PLCB1: variants seen among roughly 807,000 people sequenced by gnomAD.
PLCB1 encodes phospholipase C beta 1, also known as 1-phosphatidylinositol 4,5-bisphosphate phosphodiesterase beta-1.
A neutral mutation model predicts 161.8 loss-of-function variants in PLCB1; 46 were observed. That is an observed-to-expected ratio of 0.28 (90% confidence interval 0.22 to 0.36). The LOEUF is 0.36. PLCB1 is among the 10% of genes least tolerant of loss of function. The probability of loss-of-function intolerance (pLI) is 1.00; values close to 1 mark genes in which losing one functional copy is unlikely to be tolerated. For synonymous variants in PLCB1, 517 were observed against 503.7 expected (o/e 1.03, Z -0.35); for missense variants, 1,016 against 1,472.5 (o/e 0.69, Z 5.07).
chr20:8,214,112 G>A (rs946842645), intron 2 of PLCB1, among the ~76,000 whole-genome samples: 2 of 152,112 alleles, frequency 1.3e-5, no homozygotes, highest in Non-Finnish European at 2.9e-5. Flanking sequence ...AGTCTTACAC[G>A]TAAGCTTCCA....
chr20:8,552,084 G>A (rs1352260350), intron 3 of PLCB1, among the ~76,000 whole-genome samples: 7 of 152,052 alleles, frequency 4.6e-5, no homozygotes, highest in Admixed American at 2.6e-4. Context: ...CTCTGCAGTG[G>A]TCATGACCAC....
chr20:8,239,028 G>A (rs1424640131), intron 2 of PLCB1, among the ~76,000 whole-genome samples: 4 of 151,858 alleles, frequency 2.6e-5, no homozygotes, highest in African/African-American at 7.3e-5. Flanking sequence ...AGGAGAGAGG[G>A]GAACACTGAA....
intron 10 of PLCB1, among the ~76,000 whole-genome samples, chr20:8,691,493 A>G (rs551629932): frequency 1.3e-5 from 2 of 152,292 alleles, no homozygotes; most frequent in South Asian, 4.1e-4. Flanking sequence ...TGTTTTGAAT[A>G]TAAAATAAAA....
At chr20:8,421,178 G>C (rs1979523141) in intron 3 of PLCB1, among the ~76,000 whole-genome samples, 1 of 152,168 alleles carries the variant, frequency 6.6e-6, no homozygotes, top group Non-Finnish European at 1.5e-5. Context: ...TAATGAATTT[G>C]CTTACACAGT....
chr20:8,397,138 T>G (rs1017749916), intron 3 of PLCB1, among the ~76,000 whole-genome samples: 1 of 152,112 alleles, frequency 6.6e-6, no homozygotes, highest in African/African-American at 2.4e-5. Context: ...TTTTGATTCC[T>G]TACTGCATTA....
chr20:8,733,007 A>G (rs1272868084), intron 18 of PLCB1, among the ~76,000 whole-genome samples: 1 of 151,778 alleles, frequency 6.6e-6, no homozygotes, highest in South Asian at 2.1e-4. Flanking sequence ...TCAACAATAT[A>G]TTTGAAGTGG....
intron 18 of PLCB1, 102 bp downstream of exon 18, chr20:8,729,276 G>A: frequency 9.0e-7 from 1 of 1,113,938 alleles, no homozygotes; most frequent in South Asian, 2.9e-5. Flanking sequence ...AGACTTCACT[G>A]AAAAAATAAA....
chr20:8,160,938 A>G (rs921577275), intron 2 of PLCB1, among the ~76,000 whole-genome samples: 5 of 152,138 alleles, frequency 3.3e-5, no homozygotes, highest in Admixed American at 1.3e-4. Flanking sequence ...ACTTTGAACA[A>G]CTGACTTATT....
intron 27 of PLCB1, among the ~76,000 whole-genome samples, chr20:8,784,707 G>C (rs909154937): frequency 2.0e-5 from 3 of 152,124 alleles, no homozygotes; most frequent in Non-Finnish European, 4.4e-5. Context: ...TACTCCTTGG[G>C]ATTCTAGGGA....
At chr20:8,442,649 A>G (rs1242810213) in intron 3 of PLCB1, among the ~76,000 whole-genome samples, 3 of 152,228 alleles carry the variant, frequency 2.0e-5, no homozygotes, top group Non-Finnish European at 4.4e-5. Flanking sequence ...ATCCCAGTCC[A>G]AAATTATCAT....
intron 31 of PLCB1, among the ~76,000 whole-genome samples, chr20:8,862,129 TTC>T (rs1436072021): frequency 6.6e-6 from 1 of 152,258 alleles, no homozygotes; most frequent in African/African-American, 2.4e-5. Flanking sequence ...AGTAATATAT[TTC>T]CTCTTGTAGA....
intron 3 of PLCB1, among the ~76,000 whole-genome samples, chr20:8,622,123 G>A (rs993691271): frequency 3.3e-5 from 5 of 151,992 alleles, no homozygotes; most frequent in East Asian, 1.9e-4. Context: ...GGTTGGTGGC[G>A]CGTGCCTGTA....
At chr20:8,368,480 T>C (rs962312415) in intron 2 of PLCB1, among the ~76,000 whole-genome samples, 5 of 143,396 alleles carry the variant, frequency 3.5e-5, no homozygotes, top group African/African-American at 1.3e-4. Flanking sequence ...TGAGTTGAGA[T>C]TGCACCACTG....
chr20:8,289,306 C>T (rs190418729), intron 2 of PLCB1, among the ~76,000 whole-genome samples: 145 of 152,284 alleles, frequency 9.5e-4, no homozygotes, highest in African/African-American at 3.0e-3. Context: ...AATGTGCACA[C>T]AAGTCCCCTG....
chr20:8,767,310 G>A (rs545465607), intron 26 of PLCB1, among the ~76,000 whole-genome samples: 41 of 152,304 alleles, frequency 2.7e-4, no homozygotes, highest in African/African-American at 9.4e-4. Context: ...CTGGTCCACA[G>A]ACTTTCCACT....
At chr20:8,559,397 T>A (rs990572921) in intron 3 of PLCB1, among the ~76,000 whole-genome samples, 1 of 151,834 alleles carries the variant, frequency 6.6e-6, no homozygotes, top group Non-Finnish European at 1.5e-5. Context: ...AATGGGGGAA[T>A]TGAGAAACAG....
chr20:8,704,152 G>A (rs761582871), intron 11 of PLCB1, among the ~76,000 whole-genome samples: 21 of 152,182 alleles, frequency 1.4e-4, no homozygotes, highest in Admixed American at 2.0e-4. Flanking sequence ...TCAGAAGTTC[G>A]AAACCAGCCT....
At chr20:8,821,477 CAA>C (rs548686757) in intron 31 of PLCB1, among the ~76,000 whole-genome samples, 7,464 of 18,784 alleles carry the variant, frequency 0.4, 1,409 homozygotes, top group Non-Finnish European at 0.45. Context: ...GATTCCGTCT[CAA>C]AAAAAAAAAA....
intron 4 of PLCB1, among the ~76,000 whole-genome samples, chr20:8,630,362 CT>C: frequency 6.6e-6 from 1 of 152,234 alleles, no homozygotes; most frequent in African/African-American, 2.4e-5. Context: ...ATTTCTAACA[CT>C]TATGTAATAT....
Sources: allele counts gnomAD v4.1 joint callset (sites outside exome capture counted in the v4.1 genomes callset), GRCh38; gene constraint gnomAD v4.1.1; transcripts MANE v1.5; gene names NCBI Gene and HGNC (gene_info 2026-07-23, HGNC 2026-07-21).